Variants in KCTD19 observed in about 807,000 individuals in gnomAD.
KCTD19 encodes BTB/POZ domain-containing protein KCTD19.
KCTD19 carries 67 observed loss-of-function variants against 103.5 expected under a neutral mutation model. The observed-to-expected ratio is 0.65, with a 90% CI of 0.53 to 0.79. The LOEUF (loss-of-function observed/expected upper bound fraction) is 0.79, where lower values mean the gene tolerates loss of function less well. KCTD19 is among the 30% of genes least tolerant of loss of function. The pLI is 0.00. For missense variants in KCTD19, 980 were observed against 1,136.1 expected, an observed-to-expected ratio of 0.86 and a Z score of 1.98; for synonymous variants, 439 against 452.2, an observed-to-expected ratio of 0.97 and a Z score of 0.37.
chr16:67,295,343 G>A lies in KCTD19; in HGVS notation c.1311C>T (p.Leu437=), dbSNP rs370644881. ...GGAACATCTGGCCATCCCCGTGGAT[G>A]AGCAGGGTTTGTCCATATGTGATCC... ...VYWITYGQTL[L]IHGDGQMFRH... Residue 437 remains leucine (L), a synonymous_variant, in exon 9 of 16, where the codon CTC becomes CTT. Transcript: ENST00000304372. The A allele has an allele frequency of 1.8e-5, 29 of 1,614,000 alleles. No individual in the cohort carries two copies. The highest frequency in any genetic ancestry group is 8.8e-5 in the South Asian group (8 of 91,064).
intron 2 of KCTD19, chr16:67,305,426 G>A (rs1006787841): frequency 3.4e-6 from 1 of 291,022 alleles, no homozygotes; most frequent in Non-Finnish European, 6.8e-6. Flanking sequence ...TACTGATGAG[G>A]CAGCTGAGGT....
intron 1 of KCTD19, among the ~76,000 whole-genome samples, chr16:67,324,376 T>A (rs2037107555): frequency 6.6e-6 from 1 of 152,234 alleles, no homozygotes; most frequent in Middle Eastern, 3.2e-3. Flanking sequence ...CGAATTCTAA[T>A]TAAAAATTAT....
chr16:67,306,798 C>T (rs2036898076), intron 2 of KCTD19, among the ~76,000 whole-genome samples: 1 of 152,222 alleles, frequency 6.6e-6, no homozygotes, highest in Non-Finnish European at 1.5e-5. Flanking sequence ...GGGCTTTGAA[C>T]TCAGCATATC....
Position 67,289,645 on chromosome 16 carries a change from A to T in KCTD19, c.2705T>A (p.Met902Lys). Reference protein sequence around the residue: ...LPFARKYGRCMDLLIQRGLSR... With the variant: ...LPFARKYGRCKDLLIQRGLSR... ...CAGGCCCCTCTGGATGAGCAGGTCC[A>T]TGCATCGGCCATATTTCCTGGCGAA... is the stretch of plus-strand genomic sequence containing the variant. The change falls in exon 16 of 16, where the codon ATG becomes AAG. Residue 902 changes from methionine (M) to lysine (K), a missense_variant. Met to Lys is a moderately conservative substitution (Grantham distance 95). Transcript: ENST00000304372. 6.2e-7 allele frequency: 1 copy of T among 1,614,120 alleles called. No homozygotes were observed. Among genetic ancestry groups the T allele is most frequent in the Non-Finnish European group, 8.5e-7 (1 of 1,179,996 alleles).
intron 15 of KCTD19, 97 bp downstream of exon 15, chr16:67,290,788 T>C: frequency 9.0e-7 from 1 of 1,107,190 alleles, no homozygotes; most frequent in Admixed American, 2.3e-5. Flanking sequence ...TCTAGCCTTC[T>C]GGGCAGTGCT....
chr16:67,311,687 G>A (rs1266168555), intron 2 of KCTD19, among the ~76,000 whole-genome samples: 1 of 152,064 alleles, frequency 6.6e-6, no homozygotes, highest in East Asian at 1.9e-4. Context: ...GGTGCTTGGG[G>A]CAAGGCTGAA....
At chr16:67,294,919 G>T in intron 10 of KCTD19, 54 bp downstream of exon 10, 1 of 1,373,320 alleles carries the variant, frequency 7.3e-7, no homozygotes, top group Non-Finnish European at 1.0e-6. Context: ...AGGATTTCAA[G>T]AGGAATTTAA....
Position 67,323,626 on chromosome 16 carries a change from A to G in KCTD19, c.4-2741T>C, listed in dbSNP as rs1230476917. On this transcript the variant is annotated intron_variant, in intron 1 of 15. Transcript: ENST00000304372. The surrounding 1 kb of genome is among the most constrained non-coding windows in gnomAD (Gnocchi z 4.1). Reference sequence around the variant, plus strand: ...GGAAAGAAGCCAAACAAAAAATCACATATGATTCCATCCACATGCAATGTG... The same window carrying G: ...GGAAAGAAGCCAAACAAAAAATCACGTATGATTCCATCCACATGCAATGTG... Among the ~76,000 whole-genome samples the G allele has an allele frequency of 6.6e-6, 1 of 152,192 alleles. No homozygotes were observed. The highest frequency in any genetic ancestry group is 1.5e-5 in the Non-Finnish European group (1 of 68,034).
In KCTD19 at chr16:67,296,266, G is replaced by C. The variant is rs1161029792; in HGVS notation, c.1148-7C>G. 6.4e-7 allele frequency: 1 copy of C among 1,563,682 alleles called. No individual in the cohort carries two copies. Among genetic ancestry groups the C allele is most frequent in the Admixed American group, 1.7e-5 (1 of 59,966 alleles). On this transcript the variant is annotated splice_polypyrimidine_tract_variant and splice_region_variant and intron_variant, in intron 7 of 15. Coordinates refer to ENST00000304372, the MANE Select transcript of KCTD19 (RefSeq NM_001100915.3). ...ATCTCTGCCGTCCACTCATCTATGG[G>C]AATCCAGGAGATAGAACACATCATC...
chr16:67,319,227 G>GAA, intron 2 of KCTD19, among the ~76,000 whole-genome samples: 1 of 104,776 alleles, frequency 9.5e-6, no homozygotes, highest in African/African-American at 3.6e-5. Context: ...CCATCTCGAA[G>GAA]AAAAAAAAAA....
rs1314453112 is a variant in KCTD19, at chr16:67,303,160, T to A, written c.629A>T (p.Glu210Val). 1.5e-6 allele frequency: 2 copies of A among 1,358,302 alleles called. No homozygotes were observed. The highest frequency in any genetic ancestry group is 3.2e-5 in the African/African-American group (2 of 61,916). 84.1% of individuals were successfully genotyped at this position (1,358,302 alleles called of 1,614,324 possible). A position where few individuals can be genotyped will look rare whatever the true frequency, so the allele number is the denominator to read the frequency against. The part of the protein sequence containing the change: ...TVALIECECS[E>V]FRFIVNFLRS... ...AGAGCAATCACCAATGAAGCGGAAC[T>A]CGCTGCACTCGCACTCGATGAGGGC... The change falls in exon 4 of 16, where the codon GAG becomes GTG. Residue 210 changes from glutamate to valine, a missense_variant. Glu to Val is a moderately radical substitution (Grantham distance 121). Transcript: ENST00000304372. This position sits in a 1 kb window ranked among gnomAD's most constrained non-coding sequence, Gnocchi z 4.3.
chr16:67,315,764 C>A (rs1415584871), intron 2 of KCTD19, among the ~76,000 whole-genome samples: 2 of 152,226 alleles, frequency 1.3e-5, no homozygotes, highest in Admixed American at 6.5e-5. Context: ...CAGGTGTGAG[C>A]CACCGTGCCT....
chr16:67,293,970 G>T lies in KCTD19; in HGVS notation c.1792C>A (p.Pro598Thr). Residue 598 changes from proline (P) to threonine (T), a missense_variant, in exon 12 of 16, where the codon CCT becomes ACT. Pro to Thr is a conservative substitution (Grantham distance 38). Transcript: ENST00000304372. The surrounding 1 kb of genome is among the most constrained non-coding windows in gnomAD (Gnocchi z 4.0). Reference sequence around the variant, plus strand: ...TCAGGGTGGCTCCCCCAGTGTCCAGGATTGGTACACAAGCCACGGCAGTGT... The same window carrying T: ...TCAGGGTGGCTCCCCCAGTGTCCAGTATTGGTACACAAGCCACGGCAGTGT... ...YSHCRGLCTNPGHWGSHPESP... is the reference protein window; with the variant it reads ...YSHCRGLCTNTGHWGSHPESP... The T allele has an allele frequency of 6.2e-7, 1 of 1,614,162 alleles. No individual in the cohort carries two copies. Among genetic ancestry groups the T allele is most frequent in the South Asian group, 1.1e-5 (1 of 91,082 alleles).
intron 2 of KCTD19, among the ~76,000 whole-genome samples, chr16:67,315,771 G>C (rs993546157): frequency 6.6e-6 from 1 of 151,896 alleles, no homozygotes; most frequent in Non-Finnish European, 1.5e-5. Context: ...GAGCCACCGT[G>C]CCTGGCTAAT....
intron 1 of KCTD19, among the ~76,000 whole-genome samples, chr16:67,324,837 AAT>A (rs2037112399): frequency 6.6e-6 from 1 of 152,254 alleles, no homozygotes; most frequent in South Asian, 2.1e-4. Context: ...TAATAAGAGA[AAT>A]ATGACAAATT....
chr16:67,304,349 G>A, intron 3 of KCTD19, 72 bp downstream of exon 3: 1 of 1,470,968 alleles, frequency 6.8e-7, no homozygotes, highest in Non-Finnish European at 9.5e-7. Flanking sequence ...CTGGATGGAA[G>A]CCACTTCTGT....
In KCTD19 at chr16:67,320,273, C is replaced by T. The variant is rs570432492; in HGVS notation, c.300+316G>A. Among the ~76,000 whole-genome samples the T allele has an allele frequency of 6.6e-6, 1 of 152,218 alleles. No individual in the cohort carries two copies. The highest frequency in any genetic ancestry group is 1.9e-4 in the East Asian group (1 of 5,184). ...TGGTGGCATGCACCTGTGTTCCCAG[C>T]TACTCAGAGGGACTGAGGTGGGAGG... On this transcript the variant is annotated intron_variant, in intron 2 of 15. Transcript: ENST00000304372. The surrounding 1 kb of genome is among the most constrained non-coding windows in gnomAD (Gnocchi z 4.0).
At chr16:67,309,148 A>AAAAG (rs957971945) in intron 2 of KCTD19, among the ~76,000 whole-genome samples, 2 of 151,904 alleles carry the variant, frequency 1.3e-5, no homozygotes, top group South Asian at 2.1e-4. Flanking sequence ...AAAAAAAGAA[A>AAAAG]AAAGAAAGAA....
intron 4 of KCTD19, chr16:67,302,174 C>G (rs1269797310): frequency 5.2e-6 from 2 of 385,082 alleles, no homozygotes; most frequent in African/African-American, 4.2e-5. Flanking sequence ...GGCTCCCAAG[C>G]CAGGCCCTCC....
Sources: allele counts gnomAD v4.1 joint callset (sites outside exome capture counted in the v4.1 genomes callset), GRCh38; gene constraint gnomAD v4.1.1; non-coding constraint Gnocchi (gnomAD v3.1); transcripts MANE v1.5; gene names NCBI Gene and HGNC (gene_info 2026-07-23, HGNC 2026-07-21).